RAPGEF2: variants seen among roughly 807,000 people sequenced by gnomAD.
RAPGEF2 encodes PDZ domain containing guanine nucleotide exchange factor (GEF) 1.
Under a neutral mutation model 186.7 loss-of-function variants are expected in RAPGEF2, and 54 were observed. The observed-to-expected ratio is 0.29, with a 90% CI of 0.23 to 0.36. RAPGEF2 has a LOEUF of 0.36. Among genes scored for constraint, RAPGEF2 ranks in the 10% least tolerant of loss-of-function variants. The pLI is 1.00. For missense variants in RAPGEF2, 1,532 were observed against 2,045.0 expected, an observed-to-expected ratio of 0.75 and a Z score of 4.84; for synonymous variants, 712 against 705.9, an observed-to-expected ratio of 1.01 and a Z score of -0.14.
chr4:159,302,231 C>A (rs771636470), intron 7 of RAPGEF2, among the ~76,000 whole-genome samples: 1 of 152,098 alleles, frequency 6.6e-6, no homozygotes, highest in Non-Finnish European at 1.5e-5. Flanking sequence ...ACAGTGAATT[C>A]TTAGTCAGGG....
At chr4:159,106,475 T>A (rs140886319) in intron 1 of RAPGEF2, among the ~76,000 whole-genome samples, 448 of 152,340 alleles carry the variant, frequency 2.9e-3, no homozygotes, top group South Asian at 7.2e-3. Flanking sequence ...AATGGAACGC[T>A]GGAAGATTTT....
intron 11 of RAPGEF2, among the ~76,000 whole-genome samples, chr4:159,323,952 A>G (rs975611778): frequency 1.3e-5 from 2 of 150,940 alleles, no homozygotes; most frequent in Admixed American, 6.6e-5. Flanking sequence ...GCTGGAGTGC[A>G]GTGGCGCGAT....
chr4:159,107,970 A>G (rs1478625604), intron 1 of RAPGEF2, among the ~76,000 whole-genome samples: 1 of 152,186 alleles, frequency 6.6e-6, no homozygotes, highest in Non-Finnish European at 1.5e-5. Flanking sequence ...TTTCTTAAAT[A>G]GTTTTTGTTC....
chr4:159,133,433 T>C (rs1247254663), intron 1 of RAPGEF2, among the ~76,000 whole-genome samples: 1 of 151,922 alleles, frequency 6.6e-6, no homozygotes, highest in East Asian at 1.9e-4. Flanking sequence ...TTTTTTTTTT[T>C]CAGAGTTTTG....
intron 7 of RAPGEF2, among the ~76,000 whole-genome samples, chr4:159,274,491 A>G (rs766864483): frequency 6.6e-6 from 1 of 152,256 alleles, no homozygotes; most frequent in Non-Finnish European, 1.5e-5. Context: ...ATGTATAAAA[A>G]TATATACGTG....
intron 3 of RAPGEF2, among the ~76,000 whole-genome samples, chr4:159,204,847 G>C (rs1471385422): frequency 6.6e-6 from 1 of 152,112 alleles, no homozygotes; most frequent in African/African-American, 2.4e-5. Flanking sequence ...AGAGAGACTC[G>C]CAAGTACTGC....
intron 7 of RAPGEF2, 71 bp downstream of exon 7, chr4:159,243,862 A>G (rs989076894): frequency 3.8e-6 from 4 of 1,043,254 alleles, no homozygotes; most frequent in Admixed American, 2.3e-5. Flanking sequence ...GTTACTAATG[A>G]ATTTATAATA....
chr4:159,302,739 G>T (rs9799685), intron 7 of RAPGEF2, among the ~76,000 whole-genome samples: 26,741 of 151,452 alleles, frequency 0.18, 2,546 homozygotes, highest in Admixed American at 0.24. Flanking sequence ...CAGATAAGTT[G>T]TTATTCTCCT....
chr4:159,327,301 A>G (rs1243562614), intron 11 of RAPGEF2: 1 of 152,202 alleles, frequency 6.6e-6, no homozygotes, highest in Non-Finnish European at 1.5e-5. Flanking sequence ...ATCATATAGT[A>G]CTTTCATGGG....
chr4:159,220,428 A>G (rs901367661), intron 4 of RAPGEF2, among the ~76,000 whole-genome samples: 8 of 152,166 alleles, frequency 5.3e-5, no homozygotes, highest in Admixed American at 3.9e-4. Flanking sequence ...ATGCTCTTTT[A>G]TAAACTTAGG....
chr4:159,170,342 C>G (rs1451296325), intron 1 of RAPGEF2, among the ~76,000 whole-genome samples: 1 of 152,042 alleles, frequency 6.6e-6, no homozygotes, highest in African/African-American at 2.4e-5. Context: ...ACAGTCAGCC[C>G]TCCATACACT....
intron 3 of RAPGEF2, among the ~76,000 whole-genome samples, chr4:159,202,305 C>T (rs1749515576): frequency 6.6e-6 from 1 of 152,170 alleles, no homozygotes; most frequent in Admixed American, 6.5e-5. Flanking sequence ...TTCTTGTACC[C>T]CATACACCCT....
chr4:159,250,138 A>G (rs564305623), intron 7 of RAPGEF2, among the ~76,000 whole-genome samples: 83 of 152,202 alleles, frequency 5.5e-4, no homozygotes, highest in Non-Finnish European at 1.0e-3. Context: ...GACTCAGTAA[A>G]TGATCAGATA....
chr4:159,259,989 T>G (rs1367495334), intron 7 of RAPGEF2, among the ~76,000 whole-genome samples: 4 of 152,038 alleles, frequency 2.6e-5, no homozygotes, highest in African/African-American at 9.7e-5. Flanking sequence ...GTTTTTATTA[T>G]TATTTATTTA....
intron 7 of RAPGEF2, among the ~76,000 whole-genome samples, chr4:159,287,391 G>A (rs570861740): frequency 6.0e-4 from 91 of 152,016 alleles, no homozygotes; most frequent in Non-Finnish European, 1.1e-3. Flanking sequence ...TAGATGATAC[G>A]GAATTTTAGA....
chr4:159,207,148 G>C (rs777669822), intron 3 of RAPGEF2, among the ~76,000 whole-genome samples: 2 of 152,120 alleles, frequency 1.3e-5, no homozygotes, highest in Non-Finnish European at 2.9e-5. Flanking sequence ...GGATTCTTTG[G>C]GGAATGTAGA....
At chr4:159,144,842 T>C (rs1037136294) in intron 1 of RAPGEF2, among the ~76,000 whole-genome samples, 1 of 151,472 alleles carries the variant, frequency 6.6e-6, no homozygotes, top group Admixed American at 6.6e-5. Context: ...TTTTTGCTTA[T>C]TAAACAACTT....
intron 7 of RAPGEF2, among the ~76,000 whole-genome samples, chr4:159,286,442 A>G (rs766802406): frequency 1.3e-5 from 2 of 152,058 alleles, no homozygotes; most frequent in African/African-American, 2.4e-5. Context: ...TCTGCATGCT[A>G]TTCTTCACAT....
intron 7 of RAPGEF2, among the ~76,000 whole-genome samples, chr4:159,304,063 T>G (rs1187792364): frequency 1.3e-5 from 2 of 152,164 alleles, no homozygotes; most frequent in African/African-American, 4.8e-5. Flanking sequence ...AATTTTAGCT[T>G]ACTAAATTAA....
Sources: allele counts gnomAD v4.1 joint callset (sites outside exome capture counted in the v4.1 genomes callset), GRCh38; gene constraint gnomAD v4.1.1; transcripts MANE v1.5; gene names NCBI Gene and HGNC (gene_info 2026-07-23, HGNC 2026-07-21).